Variants in VANGL2 observed in about 807,000 individuals in gnomAD.
VANGL2 encodes the protein vang-like protein 2.
A neutral mutation model predicts 50.2 loss-of-function variants in VANGL2; 14 were observed. The ratio of observed to expected loss-of-function variants is 0.28; its 90% CI spans 0.18 to 0.44. The LOEUF (loss-of-function observed/expected upper bound fraction) is 0.44. Among genes scored for constraint, VANGL2 ranks in the 20% least tolerant of loss-of-function variants. VANGL2 has a pLI of 1.00. For synonymous variants in VANGL2, 295 were observed against 297.2 expected (o/e 0.99, Z 0.08); for missense variants, 533 against 701.5 (o/e 0.76, Z 2.71).
intron 4 of VANGL2, among the ~76,000 whole-genome samples, chr1:160,420,034 A>G (rs1651212398): frequency 6.6e-6 from 1 of 152,078 alleles, no homozygotes; most frequent in Admixed American, 6.5e-5. Flanking sequence ...GAAAGAGATA[A>G]GGAGGAGAGT....
chr1:160,415,651 C>T lies in VANGL2; in HGVS notation c.-187C>T, dbSNP rs1413355036. 6 of 666,880 alleles carry T rather than the reference C, an allele frequency of 9.0e-6. No individual in the cohort carries two copies. Among genetic ancestry groups the T allele is most frequent in the Admixed American group, 2.6e-5 (1 of 39,158 alleles). 41.3% of individuals were successfully genotyped at this position (666,880 alleles called of 1,614,324 possible). ...ACTAGCTTCTTCCTCTCACCAGGAG[C>T]GTCGCTGGATTTTCTCTGAGACAAG... On this transcript the variant is annotated 5_prime_UTR_variant, in exon 2 of 8. Coordinates refer to ENST00000368061, the MANE Select transcript of VANGL2 (RefSeq NM_020335.3).
chr1:160,415,654 C>A lies in VANGL2; in HGVS notation c.-184C>A, dbSNP rs1171254693. On this transcript the variant is annotated 5_prime_UTR_variant, in exon 2 of 8. Coordinates refer to ENST00000368061, the MANE Select transcript of VANGL2 (RefSeq NM_020335.3). ...AGCTTCTTCCTCTCACCAGGAGCGT[C>A]GCTGGATTTTCTCTGAGACAAGCCC... The A allele has an allele frequency of 2.9e-6, 2 of 679,384 alleles. No individual in the cohort carries two copies. Among genetic ancestry groups the A allele is most frequent in the Non-Finnish European group, 5.0e-6 (2 of 398,554 alleles). The allele number at this position is 679,384 out of a possible 1,614,324, so 42.1% of individuals were successfully genotyped here.
In VANGL2 at chr1:160,419,563, C is replaced by T. The variant is rs1396411383; in HGVS notation, c.754C>T (p.Arg252Cys). The T allele has an allele frequency of 1.9e-6, 3 of 1,599,994 alleles. No homozygotes were observed. The highest frequency in any genetic ancestry group is 2.5e-6 in the Non-Finnish European group (3 of 1,179,748). ...GCCTCAGTTCACGCTCAAGGTCGTGCGCTCCACCGACGGCGCCAGCCGCTT... is the reference window on the plus strand; with the variant it reads ...GCCTCAGTTCACGCTCAAGGTCGTGTGCTCCACCGACGGCGCCAGCCGCTT... ...LQPQFTLKVV[R>C]STDGASRFYN... Residue 252 changes from arginine to cysteine, a missense_variant, in exon 4 of 8, where the codon CGC becomes TGC. Arg to Cys is a radical substitution (Grantham distance 180). Transcript: ENST00000368061. This position sits in a 1 kb window ranked among gnomAD's most constrained non-coding sequence, Gnocchi z 5.8.
At chr1:160,424,996 A>C in intron 7 of VANGL2, 122 bp from the exon 8 acceptor site, 58 of 1,262,408 alleles carry the variant, frequency 4.6e-5, no homozygotes, top group Middle Eastern at 3.8e-4. Flanking sequence ...CTGAGGTTCT[A>C]GTTCATATGC....
chr1:160,410,145 G>C (rs991744579), intron 1 of VANGL2, among the ~76,000 whole-genome samples: 1 of 152,126 alleles, frequency 6.6e-6, no homozygotes, highest in Non-Finnish European at 1.5e-5. Flanking sequence ...ACTACGGAGA[G>C]AAAAATGGTC....
chr1:160,425,471 C>T lies in VANGL2; in HGVS notation c.*93C>T. 1 of 995,960 alleles carries T rather than the reference C, an allele frequency of 1.0e-6. No individual in the cohort carries two copies. The highest frequency in any genetic ancestry group is 1.7e-5 in the South Asian group (1 of 59,530). The allele number at this position is 995,960 out of a possible 1,614,324, so 61.7% of individuals were successfully genotyped here. On this transcript the variant is annotated 3_prime_UTR_variant, in exon 8 of 8. Transcript: ENST00000368061. ...CAGGCCCAGCCACATTCCTGCCACC[C>T]TTCTTCTTCTTGCTCTTTTTTTTTT... is the stretch of plus-strand genomic sequence containing the variant.
Position 160,426,679 on chromosome 1 carries a change from A to AAT in VANGL2, c.*1303_*1304dup, listed in dbSNP as rs1651467443. ...TTTGAGCAAAATTTGCTGGCCCTCT[A>AAT]ATAAATATTTTCAATATAAATCTGA... On this transcript the variant is annotated 3_prime_UTR_variant, in exon 8 of 8. Transcript: ENST00000368061. The AAT allele has an allele frequency of 6.6e-6, 1 of 152,618 alleles. No individual in the cohort carries two copies. The highest frequency in any genetic ancestry group is 1.5e-5 in the Non-Finnish European group (1 of 68,042). The allele number at this position is 152,618 out of a possible 1,614,324, so 9.5% of individuals were successfully genotyped here. A position where few individuals can be genotyped will look rare whatever the true frequency, so the allele number is the denominator to read the frequency against.
In VANGL2 at chr1:160,416,055, GCCGCAGGGA is replaced by G. The variant is rs1243900877; in HGVS notation, c.72-2_78del. 6.2e-7 allele frequency: 1 copy of G among 1,614,224 alleles called. No homozygotes were observed. On this transcript the variant is annotated splice_acceptor_variant and splice_polypyrimidine_tract_variant and coding_sequence_variant and intron_variant, in exon 3 of 8. Coordinates refer to ENST00000368061, the MANE Select transcript of VANGL2 (RefSeq NM_020335.3). LOFTEE classifies it high-confidence loss of function. ...CTTTCTGTGCCTTTTCTGGCTTCCTGCCGCAGGGACCGCCGGGACCGACACCGCTCTAAG... is the reference window on the plus strand; with the variant it reads ...CTTTCTGTGCCTTTTCTGGCTTCCTGCCGCCGGGACCGACACCGCTCTAAG...
chr1:160,416,346 G>C (rs1472877278), intron 3 of VANGL2, among the ~76,000 whole-genome samples, 164 bp downstream of exon 3: 1 of 152,188 alleles, frequency 6.6e-6, no homozygotes, highest in Non-Finnish European at 1.5e-5. Context: ...GTGTCTTAAG[G>C]TAGGACCTTC....
intron 1 of VANGL2, among the ~76,000 whole-genome samples, chr1:160,414,795 G>GATAACAT (rs1650995958): frequency 6.7e-6 from 1 of 150,072 alleles, no homozygotes; most frequent in Non-Finnish European, 1.5e-5. Context: ...TCTAGAGTAG[G>GATAACAT]TGGGGGCTCC....
At chr1:160,424,417 T>C in intron 7 of VANGL2, 134 bp downstream of exon 7, 1 of 924,442 alleles carries the variant, frequency 1.1e-6, no homozygotes, top group South Asian at 1.4e-5. Context: ...CTCCTTTTTA[T>C]AATCTTCTCT....
rs1651458998 is a variant in VANGL2, at chr1:160,426,461, A to C, written c.*1083A>C. Reference sequence around the variant, plus strand: ...TGCCTTAAGTCCAGTTCTTTGCCTCAGGGGTCTCGTTTCCTTGGCCTTCCA... The same window carrying C: ...TGCCTTAAGTCCAGTTCTTTGCCTCCGGGGTCTCGTTTCCTTGGCCTTCCA... On this transcript the variant is annotated 3_prime_UTR_variant, in exon 8 of 8. Transcript: ENST00000368061. 6.5e-6 allele frequency: 1 copy of C among 152,976 alleles called. No homozygotes were observed. Among genetic ancestry groups the C allele is most frequent in the Non-Finnish European group, 1.5e-5 (1 of 68,396 alleles). 9.5% of individuals were successfully genotyped at this position (152,976 alleles called of 1,614,324 possible).
chr1:160,412,721 T>C (rs760519851), intron 1 of VANGL2, among the ~76,000 whole-genome samples: 1 of 152,204 alleles, frequency 6.6e-6, no homozygotes, highest in African/African-American at 2.4e-5. Context: ...TCCATTGAAC[T>C]CTGTTAAGAA....
chr1:160,409,584 C>A (rs1430930640), intron 1 of VANGL2, among the ~76,000 whole-genome samples: 2 of 152,172 alleles, frequency 1.3e-5, no homozygotes, highest in African/African-American at 4.8e-5. Flanking sequence ...CAACTTCAGC[C>A]CCCCACCAGG....
chr1:160,423,050 T>A (rs1462596816), intron 6 of VANGL2, among the ~76,000 whole-genome samples: 1 of 152,076 alleles, frequency 6.6e-6, no homozygotes, highest in Non-Finnish European at 1.5e-5. Context: ...GGATTACAGA[T>A]GCACACCAGC....
intron 6 of VANGL2, among the ~76,000 whole-genome samples, chr1:160,422,543 A>G (rs1651309285): frequency 7.0e-6 from 1 of 142,828 alleles, no homozygotes; most frequent in African/African-American, 2.6e-5. Context: ...CCAGAGTCCC[A>G]TCTGAAATGA....
At chr1:160,415,605 A>C in intron 1 of VANGL2, 43 bp from the exon 2 acceptor site, 1 of 572,208 alleles carries the variant, frequency 1.7e-6, no homozygotes, top group Non-Finnish European at 3.1e-6. Context: ...CTGACCCCAC[A>C]GGGAGCTCGA....
chr1:160,408,648 T>C (rs1650773470), intron 1 of VANGL2, among the ~76,000 whole-genome samples: 1 of 152,014 alleles, frequency 6.6e-6, no homozygotes, highest in South Asian at 2.1e-4. Flanking sequence ...AGCTCATCTC[T>C]GGGGCTGTCC....
chr1:160,410,152 G>A (rs1650824628), intron 1 of VANGL2, among the ~76,000 whole-genome samples: 1 of 152,104 alleles, frequency 6.6e-6, no homozygotes, highest in African/African-American at 2.4e-5. Flanking sequence ...AGAGAAAAAT[G>A]GTCCTATCAG....
Sources: gnomAD v4.1 joint callset for allele counts (sites outside exome capture counted in the v4.1 genomes callset) on GRCh38, gnomAD v4.1.1 for gene constraint, Gnocchi (gnomAD v3.1) non-coding constraint, MANE v1.5 for transcripts, NCBI Gene and HGNC (gene_info 2026-07-23, HGNC 2026-07-21) for gene names.